The following KLF12 variants were observed in gnomAD, a reference collection of about 807,000 sequenced individuals.
KLF12 encodes Krueppel-like factor 12.
Under a neutral mutation model 37.8 loss-of-function variants are expected in KLF12, and 9 were observed. The observed-to-expected ratio is 0.24, with a 90% confidence interval of 0.14 to 0.42. KLF12 has a LOEUF of 0.42. KLF12 is among the 10% of genes least tolerant of loss of function. The pLI is 1.00. For synonymous variants in KLF12, 208 were observed against 202.1 expected (o/e 1.03, Z -0.25); for missense variants, 411 against 516.0 (o/e 0.80, Z 1.97).
the KLF12 span, among the ~76,000 whole-genome samples, chr13:74,224,579 T>A: frequency 6.6e-6 from 1 of 152,208 alleles, no homozygotes; most frequent in Non-Finnish European, 1.5e-5. Flanking sequence ...TTTTATTACA[T>A]ACGTTGTAGC....
chr13:73,968,371 C>T (rs1891231069), intron 2 of KLF12, among the ~76,000 whole-genome samples: 1 of 152,148 alleles, frequency 6.6e-6, no homozygotes, highest in South Asian at 2.1e-4. Context: ...AATTTGTAGT[C>T]ACTGGTGGGG....
At chr13:73,789,880 G>C (rs1277070169) in intron 5 of KLF12, among the ~76,000 whole-genome samples, 1 of 152,068 alleles carries the variant, frequency 6.6e-6, no homozygotes, top group Non-Finnish European at 1.5e-5. Flanking sequence ...GTTTCACCGT[G>C]TTAGCCAGGA....
chr13:73,949,958 TG>T (rs200240166), intron 2 of KLF12, among the ~76,000 whole-genome samples: 1 of 131,320 alleles, frequency 7.6e-6, no homozygotes, highest in South Asian at 2.7e-4. Flanking sequence ...ATCCCCCATA[TG>T]TTTCAATGAT....
At chr13:73,918,134 G>A (rs1888934754) in intron 3 of KLF12, among the ~76,000 whole-genome samples, 1 of 151,972 alleles carries the variant, frequency 6.6e-6, no homozygotes, top group African/African-American at 2.4e-5. Context: ...GAGAGAGAGA[G>A]AGAGATGTAT....
At chr13:73,699,116 T>C (rs1353710731) in intron 7 of KLF12, among the ~76,000 whole-genome samples, 1 of 151,876 alleles carries the variant, frequency 6.6e-6, no homozygotes, top group Non-Finnish European at 1.5e-5. Flanking sequence ...CCCAGCTACT[T>C]GGGAAGCTGA....
At chr13:73,975,446 C>G (rs922239417) in intron 2 of KLF12, among the ~76,000 whole-genome samples, 2 of 152,144 alleles carry the variant, frequency 1.3e-5, no homozygotes, top group East Asian at 3.9e-4. Flanking sequence ...TAAACATGCT[C>G]CAAATCTACT....
chr13:73,804,006 C>T (rs944843772), intron 5 of KLF12, among the ~76,000 whole-genome samples: 1 of 152,252 alleles, frequency 6.6e-6, no homozygotes, highest in African/African-American at 2.4e-5. Flanking sequence ...ACTTAAAACC[C>T]ACTGGTGGGT....
At chr13:74,085,303 T>C (rs1818900448) in intron 1 of KLF12, among the ~76,000 whole-genome samples, 1 of 152,356 alleles carries the variant, frequency 6.6e-6, no homozygotes, top group African/African-American at 2.4e-5. Context: ...ATAATGTTAA[T>C]GGCTGAATAT....
chr13:73,970,500 G>A (rs1026357923), intron 2 of KLF12, among the ~76,000 whole-genome samples: 2 of 152,112 alleles, frequency 1.3e-5, no homozygotes, highest in African/African-American at 4.8e-5. Flanking sequence ...TGTCACAGAG[G>A]ATCTGAGTGA....
At chr13:73,721,000 A>G (rs1026885128) in intron 6 of KLF12, among the ~76,000 whole-genome samples, 3 of 152,252 alleles carry the variant, frequency 2.0e-5, no homozygotes, top group Admixed American at 6.5e-5. Flanking sequence ...TAGTAAATTC[A>G]CACACGCAAT....
chr13:74,277,333 C>T, the KLF12 span, among the ~76,000 whole-genome samples: 1 of 152,142 alleles, frequency 6.6e-6, no homozygotes, highest in Admixed American at 6.6e-5. Context: ...TCATGTTTGA[C>T]CATGTTTGTG....
intron 1 of KLF12, among the ~76,000 whole-genome samples, chr13:74,048,166 G>C (rs1303327542): frequency 2.6e-5 from 4 of 152,332 alleles, no homozygotes; most frequent in Non-Finnish European, 5.9e-5. Context: ...TTTACAGGTG[G>C]AGCAGCTTTA....
intron 1 of KLF12, among the ~76,000 whole-genome samples, chr13:74,017,052 G>A (rs1388726649): frequency 6.6e-6 from 1 of 152,066 alleles, no homozygotes; most frequent in Admixed American, 6.6e-5. Flanking sequence ...GTCGTCTATG[G>A]TGATAGGAGA....
the KLF12 span, among the ~76,000 whole-genome samples, chr13:74,165,921 G>A: frequency 6.6e-6 from 1 of 152,106 alleles, no homozygotes; most frequent in African/African-American, 2.4e-5. Flanking sequence ...TCTAGTTTCT[G>A]TTTGCAGGGA....
chr13:74,210,465 A>T, the KLF12 span, among the ~76,000 whole-genome samples: 1 of 152,192 alleles, frequency 6.6e-6, no homozygotes, highest in Non-Finnish European at 1.5e-5. Context: ...ACATTAAGTC[A>T]CTGGTTTATT....
the KLF12 span, among the ~76,000 whole-genome samples, chr13:74,292,194 G>T: frequency 4.6e-5 from 7 of 152,300 alleles, no homozygotes; most frequent in African/African-American, 1.4e-4. Context: ...TGATTCAAGA[G>T]CTCTCTCTCT....
chr13:74,218,063 A>G, the KLF12 span, among the ~76,000 whole-genome samples: 57 of 152,322 alleles, frequency 3.7e-4, no homozygotes, highest in African/African-American at 1.3e-3. Flanking sequence ...CAAGCGGCCA[A>G]AAAATGTTAC....
chr13:73,921,033 G>C (rs1889089324), intron 3 of KLF12, among the ~76,000 whole-genome samples: 2 of 152,074 alleles, frequency 1.3e-5, no homozygotes, highest in South Asian at 2.1e-4. Flanking sequence ...AAAGGAGAGA[G>C]AGCAGACACC....
intron 3 of KLF12, among the ~76,000 whole-genome samples, chr13:73,909,795 T>C (rs1349881996): frequency 6.6e-6 from 1 of 152,194 alleles, no homozygotes; most frequent in Non-Finnish European, 1.5e-5. Flanking sequence ...CTTCATTCAG[T>C]CCACACTTTT....
Sources: gnomAD v4.1 joint callset for allele counts (sites outside exome capture counted in the v4.1 genomes callset) on GRCh38, gnomAD v4.1.1 for gene constraint, MANE v1.5 for transcripts, NCBI Gene and HGNC (gene_info 2026-07-23, HGNC 2026-07-21) for gene names.